The following CSPP1 variants were observed in gnomAD, a reference collection of about 807,000 sequenced individuals.
CSPP1 encodes the protein centrosome and spindle pole associated protein 1.
In CSPP1, 126 loss-of-function variants were observed where a neutral mutation model predicts 164.4. That is an observed-to-expected ratio of 0.77 (90% confidence interval 0.66 to 0.89). The LOEUF is 0.89. Among genes scored for constraint, CSPP1 ranks in the 40% least tolerant of loss-of-function variants. The pLI, the probability that CSPP1 is intolerant of heterozygous loss-of-function variation, is 0.00. For missense variants in CSPP1, 1,395 were observed against 1,449.8 expected, an observed-to-expected ratio of 0.96 and a Z score of 0.61; for synonymous variants, 472 against 476.7, an observed-to-expected ratio of 0.99 and a Z score of 0.13.
chr8:67,164,638 G>C (rs1296669641), intron 24 of CSPP1, 130 bp downstream of exon 24: 1 of 531,142 alleles, frequency 1.9e-6, no homozygotes, highest in Non-Finnish European at 3.4e-6. Context: ...CCTTTTCTTT[G>C]TCTTTTACAA....
At chr8:67,065,855 G>A (rs575679853) in intron 1 of CSPP1, among the ~76,000 whole-genome samples, 1 of 152,284 alleles carries the variant, frequency 6.6e-6, no homozygotes, top group Non-Finnish European at 1.5e-5. Context: ...CCAGATGGCC[G>A]CCTGGGAGGG....
intron 30 of CSPP1, among the ~76,000 whole-genome samples, chr8:67,194,335 C>A (rs545173886): frequency 2.0e-5 from 3 of 152,176 alleles, no homozygotes; most frequent in African/African-American, 7.2e-5. Context: ...TTTTTAGATC[C>A]TACCTTTAAT....
intron 18 of CSPP1, among the ~76,000 whole-genome samples, chr8:67,152,899 G>A (rs1825963830): frequency 6.6e-6 from 1 of 152,102 alleles, no homozygotes. Flanking sequence ...AACTACATGC[G>A]AGAAATACAT....
At chr8:67,133,101 C>T (rs565230991) in intron 16 of CSPP1, among the ~76,000 whole-genome samples, 26 of 152,280 alleles carry the variant, frequency 1.7e-4, no homozygotes, top group Admixed American at 3.9e-4. Context: ...ATATTAAAAA[C>T]ACCACTGACA....
intron 24 of CSPP1, among the ~76,000 whole-genome samples, chr8:67,165,164 G>T (rs1829078847): frequency 6.6e-6 from 1 of 152,076 alleles, no homozygotes; most frequent in Non-Finnish European, 1.5e-5. Context: ...CGCCCCTGTG[G>T]TCCCAGCTAC....
intron 26 of CSPP1, among the ~76,000 whole-genome samples, chr8:67,176,135 G>A (rs1278952850): frequency 6.6e-6 from 1 of 152,066 alleles, no homozygotes; most frequent in African/African-American, 2.4e-5. Context: ...GTCTCAGAGA[G>A]CACTGATGGG....
chr8:67,160,034 T>TTCTTTTCTTTTCTTC (rs1563715668), intron 21 of CSPP1, among the ~76,000 whole-genome samples: 4 of 106,384 alleles, frequency 3.8e-5, no homozygotes, highest in Admixed American at 1.0e-4. Flanking sequence ...TTCTTTTCTT[T>TTCTTTTCTTTTCTTC]TTCTTTTTCT....
At chr8:67,135,542 T>C (rs1275859465) in intron 16 of CSPP1, 3 of 152,260 alleles carry the variant, frequency 2.0e-5, no homozygotes, top group Admixed American at 1.3e-4. Flanking sequence ...CTTCTGCAGC[T>C]TCCTCACTTC....
At position 67,137,605 on chromosome 8, in the gene CSPP1, T is replaced by C; in HGVS notation, c.1975+2T>C. ...GGGATGCAAAAGGAAATCTGATAAG[T>C]ACGTTATTTCTACTGACTTGTTTTT... On this transcript the variant is annotated splice_donor_variant, in intron 17 of 30. Coordinates refer to ENST00000678616, the MANE Select transcript of CSPP1 (RefSeq NM_001382391.1). LOFTEE classifies it high-confidence loss of function. 2 of 1,522,524 alleles carry C rather than the reference T, an allele frequency of 1.3e-6. No individual in the cohort carries two copies. Among genetic ancestry groups the C allele is most frequent in the Admixed American group, 2.2e-5 (1 of 44,502 alleles). The allele number at this position is 1,522,524 out of a possible 1,614,324, so 94.3% of individuals were successfully genotyped here. A position where few individuals can be genotyped will look rare whatever the true frequency, so the allele number is the denominator to read the frequency against.
intron 28 of CSPP1, among the ~76,000 whole-genome samples, chr8:67,185,549 G>A (rs991442388): frequency 3.3e-5 from 5 of 152,140 alleles, no homozygotes; most frequent in African/African-American, 1.2e-4. Context: ...GTGGTCTGTC[G>A]GTTGATGTGT....
intron 3 of CSPP1, among the ~76,000 whole-genome samples, chr8:67,079,667 C>CT (rs1808746242): frequency 6.6e-6 from 1 of 152,276 alleles, no homozygotes; most frequent in East Asian, 1.9e-4. Flanking sequence ...TTGATGGCTT[C>CT]TTTTTTTCTT....
In CSPP1 at chr8:67,172,611, A is replaced by G. The variant is rs1275782729; in HGVS notation, c.2968+56A>G. 7 of 1,422,692 alleles carry G rather than the reference A, an allele frequency of 4.9e-6. No homozygotes were observed. In the East Asian group the frequency reaches 1.6e-4, roughly 33 times the overall value. 88.1% of individuals were successfully genotyped at this position (1,422,692 alleles called of 1,614,324 possible). ...AGCAGAAGTGTTCTACCCATATTTA[A>G]ATATCTATAAAGATCTTTGTACCCT... On this transcript the variant is annotated intron_variant, in intron 25 of 30. Coordinates refer to ENST00000678616, the MANE Select transcript of CSPP1 (RefSeq NM_001382391.1).
chr8:67,101,888 G>A (rs1814200061), intron 7 of CSPP1, among the ~76,000 whole-genome samples: 1 of 152,258 alleles, frequency 6.6e-6, no homozygotes, highest in Non-Finnish European at 1.5e-5. Context: ...AGACAATATA[G>A]TTGGGTAACT....
chr8:67,195,597 A>G lies in CSPP1; in HGVS notation c.*4A>G. The G allele has an allele frequency of 1.2e-6, 2 of 1,613,120 alleles. No homozygotes were observed. The highest frequency in any genetic ancestry group is 1.7e-6 in the Non-Finnish European group (2 of 1,179,192). On this transcript the variant is annotated 3_prime_UTR_variant, in exon 31 of 31. Coordinates refer to ENST00000678616, the MANE Select transcript of CSPP1 (RefSeq NM_001382391.1). ...CCTGTCGACTGCACATGGTTAAAATAAACCTGTACTGGACCCAGTAGTGCC... is the reference window on the plus strand; with the variant it reads ...CCTGTCGACTGCACATGGTTAAAATGAACCTGTACTGGACCCAGTAGTGCC...
chr8:67,181,954 T>C (rs1833162140), intron 28 of CSPP1, among the ~76,000 whole-genome samples: 2 of 152,204 alleles, frequency 1.3e-5, no homozygotes, highest in South Asian at 4.1e-4. Context: ...CTTATTTCAC[T>C]TCACATAACA....
chr8:67,149,747 G>A (rs1825328199), intron 17 of CSPP1, 36 bp from the exon 18 acceptor site: 2 of 1,418,004 alleles, frequency 1.4e-6, no homozygotes, highest in Non-Finnish European at 1.9e-6. Flanking sequence ...ACAGAAATGT[G>A]TTTATTGAAA....
intron 15 of CSPP1, among the ~76,000 whole-genome samples, chr8:67,120,468 G>GTGTCAT (rs1422497679): frequency 3.3e-5 from 5 of 152,148 alleles, no homozygotes; most frequent in African/African-American, 1.2e-4. Context: ...CATTTTAACA[G>GTGTCAT]TGTCATGTCT....
At chr8:67,089,567 A>G (rs575451508) in intron 4 of CSPP1, among the ~76,000 whole-genome samples, 2 of 152,258 alleles carry the variant, frequency 1.3e-5, no homozygotes, top group South Asian at 2.1e-4. Context: ...ACCTTCTAGC[A>G]TGCTGTATAA....
chr8:67,076,179 A>G (rs1807869822), intron 2 of CSPP1, among the ~76,000 whole-genome samples: 1 of 151,950 alleles, frequency 6.6e-6, no homozygotes, highest in African/African-American at 2.4e-5. Context: ...CCAATAGTTT[A>G]TAAGCTTCAT....
Sources: allele counts gnomAD v4.1 joint callset (sites outside exome capture counted in the v4.1 genomes callset), GRCh38; gene constraint gnomAD v4.1.1; transcripts MANE v1.5; gene names NCBI Gene and HGNC (gene_info 2026-07-23, HGNC 2026-07-21).